The following IQSEC1 variants were observed in gnomAD, a reference collection of about 807,000 sequenced individuals.
IQSEC1 encodes the protein IQ motif and Sec7 domain ArfGEF 1.
A neutral mutation model predicts 91.0 loss-of-function variants in IQSEC1; 31 were observed. The observed-to-expected ratio is 0.34, with a 90% CI of 0.26 to 0.46. The LOEUF (loss-of-function observed/expected upper bound fraction) is 0.46. Among genes scored for constraint, IQSEC1 ranks in the 20% least tolerant of loss-of-function variants. The pLI, the probability that IQSEC1 is intolerant of heterozygous loss-of-function variation, is 1.00. For missense variants in IQSEC1, 1,388 were observed against 1,575.6 expected, an observed-to-expected ratio of 0.88 and a Z score of 2.02; for synonymous variants, 699 against 662.6, an observed-to-expected ratio of 1.05 and a Z score of -0.84.
rs564432225 is a variant in IQSEC1, at chr3:12,970,454, C to T, written c.24-28589G>A. Among the ~76,000 whole-genome samples, 1 of 152,306 alleles carries T rather than the reference C, an allele frequency of 6.6e-6. No individual in the cohort carries two copies. The highest frequency in any genetic ancestry group is 2.1e-4 in the South Asian group (1 of 4,832). The stretch of plus-strand genomic sequence containing the variant: ...AACCCGACTTTATCTCTATCCTCCC[C>T]AGCTTCTGATAGCCTCCAGTCTTTC... On this transcript the variant is annotated intron_variant, in intron 1 of 13. Transcript: ENST00000613206. This position sits in a 1 kb window ranked among gnomAD's most constrained non-coding sequence, Gnocchi z 4.4.
At position 12,900,678 on chromosome 3, in the gene IQSEC1, G is replaced by GT; in HGVS notation, c.*304dup. The stretch of plus-strand genomic sequence containing the variant: ...AGGGCACAGGGAGCTGAGAGCTGGA[G>GT]TGGGGGAGGCAGTTCAACACTACTT... On this transcript the variant is annotated 3_prime_UTR_variant, in exon 14 of 14. Transcript: ENST00000613206. 1 of 1,313,104 alleles carries GT rather than the reference G, an allele frequency of 7.6e-7. No homozygotes were observed. The highest frequency in any genetic ancestry group is 9.7e-7 in the Non-Finnish European group (1 of 1,028,544). The allele number at this position is 1,313,104 out of a possible 1,614,324, so 81.3% of individuals were successfully genotyped here.
chr3:13,156,047 C>T (rs145732730), intron 2 of IQSEC1, among the ~76,000 whole-genome samples: 3 of 142,284 alleles, frequency 2.1e-5, no homozygotes, highest in Non-Finnish European at 4.5e-5. Flanking sequence ...GTAGAAACTC[C>T]GTCTCTACTA....
At chr3:12,950,666 G>A (rs1009444210) in intron 1 of IQSEC1, among the ~76,000 whole-genome samples, 9 of 148,102 alleles carry the variant, frequency 6.1e-5, no homozygotes, top group East Asian at 1.9e-4. Context: ...TTTTTGATAC[G>A]GAGTCTCACT....
intron 1 of IQSEC1, among the ~76,000 whole-genome samples, chr3:13,185,523 T>C (rs1224885513): frequency 6.6e-6 from 1 of 152,234 alleles, no homozygotes; most frequent in Non-Finnish European, 1.5e-5. Context: ...TATTTCAGTG[T>C]GAAGGCATAA....
intron 13 of IQSEC1, 72 bp downstream of exon 13, chr3:12,902,697 AGGAC>A (rs1694495461): frequency 1.7e-4 from 100 of 587,978 alleles, no homozygotes; most frequent in South Asian, 4.4e-4. Context: ...AAAAAAAACC[AGGAC>A]AACAGATATG....
chr3:12,995,004 T>G (rs1053743700), intron 1 of IQSEC1: 5 of 152,310 alleles, frequency 3.3e-5, no homozygotes, highest in African/African-American at 9.6e-5. Context: ...GTGCCCTCCC[T>G]GGTGGGTCGC....
At chr3:12,998,419 T>A (rs749349500) in intron 1 of IQSEC1, among the ~76,000 whole-genome samples, 1 of 152,102 alleles carries the variant, frequency 6.6e-6, no homozygotes, top group Admixed American at 6.6e-5. Context: ...TGGACTGATA[T>A]GATAAGGAAC....
chr3:13,243,559 C>T (rs979167050), intron 1 of IQSEC1, among the ~76,000 whole-genome samples: 10 of 152,338 alleles, frequency 6.6e-5, no homozygotes, highest in African/African-American at 1.2e-4. Context: ...CTCTGTCTCT[C>T]GCAGAAGCCT....
chr3:12,900,235 T>TGATTGTGTAAA lies in IQSEC1; in HGVS notation c.*737_*747dup, dbSNP rs1343450026. The TGATTGTGTAAA allele has an allele frequency of 8.1e-6, 8 of 984,328 alleles. No homozygotes were observed. The African/African-American group carries it at 1.2e-4, about 15-fold the overall frequency. The allele number at this position is 984,328 out of a possible 1,614,324, so 61.0% of individuals were successfully genotyped here. ...CTATGTTACTTGGCACAGTTAGTAATGATTGTGTAAAGATTTTAGCCAGTC... is the reference window on the plus strand; with the variant it reads ...CTATGTTACTTGGCACAGTTAGTAATGATTGTGTAAAGATTGTGTAAAGATTTTAGCCAGTC... On this transcript the variant is annotated 3_prime_UTR_variant, in exon 14 of 14. Transcript: ENST00000613206.
chr3:12,946,523 T>C (rs1290201023), intron 1 of IQSEC1, among the ~76,000 whole-genome samples: 1 of 152,168 alleles, frequency 6.6e-6, no homozygotes, highest in Non-Finnish European at 1.5e-5. Context: ...CAGCAGTACA[T>C]ACGAGGATGT....
chr3:13,120,514 G>A (rs995231193), intron 2 of IQSEC1, among the ~76,000 whole-genome samples: 4 of 152,182 alleles, frequency 2.6e-5, no homozygotes, highest in Admixed American at 2.6e-4. Flanking sequence ...CCTAAGGCCT[G>A]CACGTGGTAC....
intron 1 of IQSEC1, among the ~76,000 whole-genome samples, chr3:13,197,660 TCCCA>T (rs1248111632): frequency 3.9e-5 from 6 of 152,140 alleles, no homozygotes; most frequent in Non-Finnish European, 7.3e-5. Flanking sequence ...CTAGTCAGCA[TCCCA>T]CCTTACGACC....
At chr3:12,958,276 C>G (rs919764815) in intron 1 of IQSEC1, among the ~76,000 whole-genome samples, 14 of 152,212 alleles carry the variant, frequency 9.2e-5, no homozygotes, top group African/African-American at 3.4e-4. Context: ...CAAATGAAGG[C>G]TGGGGGTAGG....
At chr3:12,957,443 A>C (rs1699980729) in intron 1 of IQSEC1, among the ~76,000 whole-genome samples, 1 of 152,236 alleles carries the variant, frequency 6.6e-6, no homozygotes, top group Non-Finnish European at 1.5e-5. Context: ...ACAGAGCCAA[A>C]AATCTTCCCG....
At chr3:13,035,192 G>A (rs1037121624) in intron 1 of IQSEC1, among the ~76,000 whole-genome samples, 7 of 152,310 alleles carry the variant, frequency 4.6e-5, no homozygotes, top group East Asian at 1.9e-4. Context: ...TAGGCGCCCC[G>A]GCTCCTAATC....
chr3:13,209,777 G>A (rs1228830741), intron 1 of IQSEC1, among the ~76,000 whole-genome samples: 2 of 152,308 alleles, frequency 1.3e-5, no homozygotes, highest in East Asian at 3.9e-4. Context: ...ATCCCAGGGA[G>A]GATGGGCCAG....
At chr3:13,280,439 C>G (rs1695767211) in intron 1 of IQSEC1, among the ~76,000 whole-genome samples, 1 of 152,214 alleles carries the variant, frequency 6.6e-6, no homozygotes, top group African/African-American at 2.4e-5. Context: ...CCCAGAACCC[C>G]ACGCATGTGA....
intron 1 of IQSEC1, among the ~76,000 whole-genome samples, chr3:13,029,798 T>C (rs1703774316): frequency 6.6e-6 from 1 of 152,248 alleles, no homozygotes. Context: ...TGCAGCACCC[T>C]GGGCTGGGTC....
intron 1 of IQSEC1, among the ~76,000 whole-genome samples, chr3:13,219,989 A>G (rs1482820930): frequency 6.6e-6 from 1 of 152,270 alleles, no homozygotes; most frequent in East Asian, 1.9e-4. Flanking sequence ...GAAACGTGGC[A>G]AAAGTCACCT....
Sources: allele counts gnomAD v4.1 joint callset (sites outside exome capture counted in the v4.1 genomes callset), GRCh38; gene constraint gnomAD v4.1.1; non-coding constraint Gnocchi (gnomAD v3.1); transcripts MANE v1.5; gene names NCBI Gene and HGNC (gene_info 2026-07-23, HGNC 2026-07-21).